The following PTPRT variants were observed in gnomAD, a reference collection of about 807,000 sequenced individuals.
PTPRT encodes the protein receptor-type tyrosine-protein phosphatase T.
In PTPRT, 56 loss-of-function variants were observed where a neutral mutation model predicts 176.8. The ratio of observed to expected loss-of-function variants is 0.32; its 90% CI spans 0.26 to 0.40. PTPRT has a LOEUF of 0.40. Among genes scored for constraint, PTPRT ranks in the 10% least tolerant of loss-of-function variants. PTPRT has a pLI of 1.00. For synonymous variants in PTPRT, 783 were observed against 739.0 expected (o/e 1.06, Z -0.96); for missense variants, 1,540 against 1,908.2 (o/e 0.81, Z 3.60).
In PTPRT at chr20:42,422,463, T is replaced by A. The variant is rs560096093; in HGVS notation, c.1560+25757A>T. Among the ~76,000 whole-genome samples the A allele has an allele frequency of 3.9e-5, 6 of 152,186 alleles. No homozygotes were observed. The East Asian group carries it at 7.7e-4, about 20-fold the overall frequency. ...ATGAAAACATGCTCAACATCACTGA[T>A]CGTTAGAGAAATGCAAATCAAAACC... On this transcript the variant is annotated intron_variant, in intron 9 of 30. Coordinates refer to ENST00000373187, the MANE Select transcript of PTPRT (RefSeq NM_007050.6).
At chr20:42,935,633 ATTC>A (rs1334021717) in intron 1 of PTPRT, among the ~76,000 whole-genome samples, 2 of 146,922 alleles carry the variant, frequency 1.4e-5, no homozygotes, top group Admixed American at 6.6e-5. Context: ...TATCTGGGAT[ATTC>A]ATTCATTCAT....
At chr20:43,030,299 G>A (rs548695173) in intron 1 of PTPRT, among the ~76,000 whole-genome samples, 1 of 152,314 alleles carries the variant, frequency 6.6e-6, no homozygotes, top group East Asian at 1.9e-4. Flanking sequence ...CAGCTTGAAG[G>A]AAGCCATTGC....
At chr20:42,659,995 G>T (rs1600564672) in intron 7 of PTPRT, among the ~76,000 whole-genome samples, 1 of 152,074 alleles carries the variant, frequency 6.6e-6, no homozygotes, top group Non-Finnish European at 1.5e-5. Flanking sequence ...GAGATTTGGG[G>T]AAAATTACTT....
At chr20:42,144,701 G>C (rs1388188807) in intron 17 of PTPRT, among the ~76,000 whole-genome samples, 1 of 152,156 alleles carries the variant, frequency 6.6e-6, no homozygotes, top group Non-Finnish European at 1.5e-5. Context: ...AAATTTAGTA[G>C]AATAGGCTGA....
intron 1 of PTPRT, among the ~76,000 whole-genome samples, chr20:42,966,061 G>A (rs2146050125): frequency 6.6e-6 from 1 of 152,326 alleles, no homozygotes; most frequent in South Asian, 2.1e-4. Flanking sequence ...GTTCCACACG[G>A]TAAGAACCAT....
the PTPRT span, among the ~76,000 whole-genome samples, chr20:42,040,663 A>G: frequency 1.4e-3 from 210 of 152,326 alleles, no homozygotes; most frequent in African/African-American, 4.8e-3. Context: ...AGTAACATGT[A>G]TTTAGTGTGT....
intron 1 of PTPRT, among the ~76,000 whole-genome samples, chr20:42,914,752 A>G (rs1031980883): frequency 2.0e-5 from 3 of 152,176 alleles, no homozygotes; most frequent in African/African-American, 7.2e-5. Flanking sequence ...CACATTATCA[A>G]TACATAAGGG....
At chr20:42,150,243 G>T (rs992109628) in intron 17 of PTPRT, among the ~76,000 whole-genome samples, 1 of 149,968 alleles carries the variant, frequency 6.7e-6, no homozygotes, top group Non-Finnish European at 1.5e-5. Context: ...CTGAGGGCGT[G>T]TCAGCCCATT....
chr20:42,518,942 G>T (rs1447851852), intron 7 of PTPRT, among the ~76,000 whole-genome samples: 1 of 152,000 alleles, frequency 6.6e-6, no homozygotes, highest in Non-Finnish European at 1.5e-5. Flanking sequence ...AGATGTACAT[G>T]CTGTTGTGAG....
At chr20:42,801,083 T>C (rs1388548321) in intron 2 of PTPRT, among the ~76,000 whole-genome samples, 1 of 152,152 alleles carries the variant, frequency 6.6e-6, no homozygotes. Flanking sequence ...GATAAATATA[T>C]AAATAAATAA....
chr20:42,537,148 C>T (rs889145317), intron 7 of PTPRT, among the ~76,000 whole-genome samples: 2 of 151,524 alleles, frequency 1.3e-5, no homozygotes, highest in Admixed American at 6.6e-5. Context: ...AGAAAAAACT[C>T]GAAAATGACA....
intron 22 of PTPRT, among the ~76,000 whole-genome samples, chr20:42,112,441 T>C (rs1987052129): frequency 6.6e-6 from 1 of 152,230 alleles, no homozygotes; most frequent in South Asian, 2.1e-4. Context: ...GGCTTGCCAC[T>C]TGCTCAGTCT....
intron 16 of PTPRT, among the ~76,000 whole-genome samples, chr20:42,195,966 G>A (rs950832798): frequency 1.7e-4 from 26 of 152,110 alleles, no homozygotes; most frequent in African/African-American, 5.6e-4. Context: ...AAGGGTCTAA[G>A]TTTTGGCCCA....
At chr20:43,139,669 G>A (rs1040692678) in intron 1 of PTPRT, among the ~76,000 whole-genome samples, 1 of 152,158 alleles carries the variant, frequency 6.6e-6, no homozygotes, top group African/African-American at 2.4e-5. Flanking sequence ...AGGGAGGGAG[G>A]TGTTCTTCCT....
intron 1 of PTPRT, among the ~76,000 whole-genome samples, chr20:42,932,987 C>A (rs1418409895): frequency 6.6e-6 from 1 of 152,176 alleles, no homozygotes; most frequent in Non-Finnish European, 1.5e-5. Context: ...TATAGGGATC[C>A]TTCCAAACCC....
At chr20:42,730,188 T>C (rs1430296055) in intron 6 of PTPRT, among the ~76,000 whole-genome samples, 1 of 152,194 alleles carries the variant, frequency 6.6e-6, no homozygotes, top group African/African-American at 2.4e-5. Flanking sequence ...CTTATTCTGG[T>C]CTGACTGACC....
At chr20:43,066,823 T>C (rs1298265670) in intron 1 of PTPRT, among the ~76,000 whole-genome samples, 2 of 152,152 alleles carry the variant, frequency 1.3e-5, no homozygotes, top group Non-Finnish European at 2.9e-5. Context: ...CCCTCTCTTT[T>C]CGTAAATGAG....
At chr20:42,720,294 T>A (rs2076285272) in intron 6 of PTPRT, among the ~76,000 whole-genome samples, 1 of 152,198 alleles carries the variant, frequency 6.6e-6, no homozygotes, top group African/African-American at 2.4e-5. Context: ...TAAAAATCAC[T>A]ATTCCCATTT....
At chr20:42,412,389 G>A (rs1321355427) in intron 9 of PTPRT, among the ~76,000 whole-genome samples, 4 of 152,172 alleles carry the variant, frequency 2.6e-5, no homozygotes, top group Non-Finnish European at 4.4e-5. Context: ...CTACTCATGT[G>A]GCCAAAGCAG....
Sources: gnomAD v4.1 joint callset for allele counts (sites outside exome capture counted in the v4.1 genomes callset) on GRCh38, gnomAD v4.1.1 for gene constraint, MANE v1.5 for transcripts, NCBI Gene and HGNC (gene_info 2026-07-23, HGNC 2026-07-21) for gene names.